Variants in PIEZO2 observed in about 807,000 individuals in gnomAD.
PIEZO2 encodes the protein piezo-type mechanosensitive ion channel component 2.
A neutral mutation model predicts 337.3 loss-of-function variants in PIEZO2; 172 were observed. That is an observed-to-expected ratio of 0.51 (90% CI 0.45 to 0.58). The LOEUF (loss-of-function observed/expected upper bound fraction) is 0.58, where lower values mean the gene tolerates loss of function less well. PIEZO2 is among the 20% of genes least tolerant of loss of function. PIEZO2 has a pLI of 0.00. For missense variants in PIEZO2, 3,028 were observed against 3,391.3 expected, an observed-to-expected ratio of 0.89 and a Z score of 2.66; for synonymous variants, 1,251 against 1,228.5, an observed-to-expected ratio of 1.02 and a Z score of -0.38.
chr18:10,702,214 G>A, intron 42 of PIEZO2, 43 bp from the exon 43 acceptor site: 1 of 1,503,374 alleles, frequency 6.7e-7, no homozygotes, highest in Non-Finnish European at 8.9e-7. Context: ...ACTCCTTTTA[G>A]GAATAGATAT....
intron 1 of PIEZO2, among the ~76,000 whole-genome samples, chr18:11,108,489 C>T (rs933411702): frequency 1.3e-5 from 2 of 151,826 alleles, no homozygotes; most frequent in African/African-American, 4.8e-5. Context: ...TGGCGGGCGC[C>T]TGTAGTCCCA....
At chr18:11,073,390 C>T (rs1158485367) in intron 1 of PIEZO2, among the ~76,000 whole-genome samples, 1 of 152,164 alleles carries the variant, frequency 6.6e-6, no homozygotes, top group African/African-American at 2.4e-5. Flanking sequence ...TCTTGAGCAT[C>T]CCCTCTCCCT....
At position 11,111,678 on chromosome 18, in the gene PIEZO2, C is replaced by T. The variant is rs1399671339; in HGVS notation, c.64+36847G>A. ...GTGCTCACATGACATCCAATCCCCA[C>T]TTAATTGAAGTCGACAAGGCTTCTT... On this transcript the variant is annotated intron_variant, in intron 1 of 55. Transcript: ENST00000674853. The surrounding 1 kb of genome is among the most constrained non-coding windows in gnomAD (Gnocchi z 6.2). Among the ~76,000 whole-genome samples, 1 of 152,216 alleles carries T rather than the reference C, an allele frequency of 6.6e-6. No homozygotes were observed. The highest frequency in any genetic ancestry group is 1.5e-5 in the Non-Finnish European group (1 of 68,052).
chr18:10,838,983 G>A (rs527379187), intron 7 of PIEZO2, among the ~76,000 whole-genome samples: 1 of 152,228 alleles, frequency 6.6e-6, no homozygotes, highest in South Asian at 2.1e-4. Flanking sequence ...ATATAAATAT[G>A]GGTTTAGATG....
intron 36 of PIEZO2, chr18:10,725,309 G>A: frequency 6.3e-7 from 1 of 1,588,108 alleles, no homozygotes; most frequent in East Asian, 2.2e-5. Context: ...TACAGCAGAA[G>A]GAGGGCTGCG....
chr18:10,726,822 T>G lies in PIEZO2; in HGVS notation c.5029+4585A>C. On this transcript the variant is annotated intron_variant, in intron 36 of 55. Coordinates refer to ENST00000674853, the MANE Select transcript of PIEZO2 (RefSeq NM_001378183.1). The surrounding 1 kb of genome is among the most constrained non-coding windows in gnomAD (Gnocchi z 5.9). ...ACCTGCGGCCCCATGGGGTGCTGGA[T>G]AATACCCGGATGCCCCACCTTATGC... 6.4e-7 allele frequency: 1 copy of G among 1,574,002 alleles called. No individual in the cohort carries two copies. Among genetic ancestry groups the G allele is most frequent in the Non-Finnish European group, 8.7e-7 (1 of 1,147,974 alleles).
intron 35 of PIEZO2, among the ~76,000 whole-genome samples, chr18:10,732,914 T>C (rs1459002677): frequency 1.3e-5 from 2 of 152,240 alleles, no homozygotes; most frequent in African/African-American, 4.8e-5. Flanking sequence ...GAGCAACATA[T>C]GGTGACATTT....
chr18:10,916,433 C>T (rs527318553), intron 3 of PIEZO2, among the ~76,000 whole-genome samples: 8 of 152,252 alleles, frequency 5.3e-5, no homozygotes, highest in South Asian at 2.1e-4. Context: ...TTCCTCGAGG[C>T]GAGGAGGCAG....
rs1020060542 is a variant in PIEZO2, at chr18:10,767,680, G to C, written c.2946+2468C>G. On this transcript the variant is annotated intron_variant, in intron 21 of 55. Coordinates refer to ENST00000674853, the MANE Select transcript of PIEZO2 (RefSeq NM_001378183.1). The surrounding 1 kb of genome is among the most constrained non-coding windows in gnomAD (Gnocchi z 4.2). ...TCTTTGCTGGGCTCCATGTGTACAA[G>C]CAGAGCAGGGCCTGTGTGAGGGTGG... 6.6e-6 allele frequency among the ~76,000 whole-genome samples: 1 copy of C among 152,198 alleles called. No homozygotes were observed. Among genetic ancestry groups the C allele is most frequent in the Non-Finnish European group, 1.5e-5 (1 of 68,028 alleles).
At chr18:10,737,117 G>A (rs983754522) in intron 33 of PIEZO2, among the ~76,000 whole-genome samples, 1 of 151,898 alleles carries the variant, frequency 6.6e-6, no homozygotes, top group Non-Finnish European at 1.5e-5. Context: ...CCAAAGTGAG[G>A]TGGAGGATTA....
intron 3 of PIEZO2, among the ~76,000 whole-genome samples, chr18:10,949,356 T>C (rs1042090289): frequency 6.6e-6 from 1 of 152,204 alleles, no homozygotes; most frequent in Non-Finnish European, 1.5e-5. Flanking sequence ...TAAAGCAACC[T>C]GAACATGCTC....
chr18:10,770,930 C>T (rs1870261907), intron 20 of PIEZO2, among the ~76,000 whole-genome samples: 1 of 152,088 alleles, frequency 6.6e-6, no homozygotes, highest in African/African-American at 2.4e-5. Context: ...AGGATCTCGT[C>T]ATGTTGGCCA....
At chr18:11,062,719 T>C (rs1478747405) in intron 2 of PIEZO2, among the ~76,000 whole-genome samples, 3 of 152,084 alleles carry the variant, frequency 2.0e-5, no homozygotes, top group Admixed American at 1.3e-4. Flanking sequence ...GATACCATCT[T>C]ACACCAGTTA....
chr18:10,693,388 G>GTGTGTGTGTGTGTGTGTGT (rs10681218), intron 47 of PIEZO2, among the ~76,000 whole-genome samples: 1 of 151,486 alleles, frequency 6.6e-6, no homozygotes, highest in East Asian at 1.9e-4. Flanking sequence ...GTGTGTGTGT[G>GTGTGTGTGTGTGTGTGTGT]ATGGAGTCTC....
At chr18:10,906,513 A>G (rs2029937579) in intron 4 of PIEZO2, among the ~76,000 whole-genome samples, 1 of 152,168 alleles carries the variant, frequency 6.6e-6, no homozygotes, top group African/African-American at 2.4e-5. Flanking sequence ...TTAGATAGAG[A>G]AAATTGTGTT....
chr18:10,688,603 T>G (rs1015451222), intron 49 of PIEZO2, among the ~76,000 whole-genome samples: 2 of 152,240 alleles, frequency 1.3e-5, no homozygotes, highest in East Asian at 3.8e-4. Context: ...AGCTTTTGCC[T>G]ACCTGTCTTA....
Position 10,724,836 on chromosome 18 carries a change from C to G in PIEZO2, c.5029+6571G>C. 3 of 1,599,430 alleles carry G rather than the reference C, an allele frequency of 1.9e-6. No individual in the cohort carries two copies. The highest frequency in any genetic ancestry group is 2.6e-6 in the Non-Finnish European group (3 of 1,172,504). ...CGTTCTCACAGATGCACCTGGGCCA[C>G]GGCGGCCACATGCGTCGCAGTGAGA... is the stretch of plus-strand genomic sequence containing the variant. On this transcript the variant is annotated intron_variant, in intron 36 of 55. Transcript: ENST00000674853. The surrounding 1 kb of genome is among the most constrained non-coding windows in gnomAD (Gnocchi z 5.8).
rs769382975 is a variant in PIEZO2, at chr18:10,824,005, T to C, written c.918-16731A>G. 2.0e-5 allele frequency among the ~76,000 whole-genome samples: 3 copies of C among 152,220 alleles called. No individual in the cohort carries two copies. The highest frequency in any genetic ancestry group is 2.9e-5 in the Non-Finnish European group (2 of 68,040). On this transcript the variant is annotated intron_variant, in intron 7 of 55. Coordinates refer to ENST00000674853, the MANE Select transcript of PIEZO2 (RefSeq NM_001378183.1). This position sits in a 1 kb window ranked among gnomAD's most constrained non-coding sequence, Gnocchi z 4.4. Reference sequence around the variant, plus strand: ...CCTCTTCCTTCTTCCTCAAGCCTTATCCTAAGGTCAGTGTATATCATTCCC... The same window carrying C: ...CCTCTTCCTTCTTCCTCAAGCCTTACCCTAAGGTCAGTGTATATCATTCCC...
chr18:10,760,717 G>A (rs546094360), intron 24 of PIEZO2, among the ~76,000 whole-genome samples, 194 bp downstream of exon 24: 22 of 152,218 alleles, frequency 1.4e-4, no homozygotes, highest in Non-Finnish European at 2.9e-4. Context: ...GTGGAGGGGG[G>A]TGTTCAGCAC....
Sources: gnomAD v4.1 joint callset for allele counts (sites outside exome capture counted in the v4.1 genomes callset) on GRCh38, gnomAD v4.1.1 for gene constraint, Gnocchi (gnomAD v3.1) non-coding constraint, MANE v1.5 for transcripts, NCBI Gene and HGNC (gene_info 2026-07-23, HGNC 2026-07-21) for gene names.